Variants in ARMH3 observed in about 807,000 individuals in gnomAD.
The protein encoded by ARMH3 is armadillo-like helical domain-containing protein 3.
A neutral mutation model predicts 99.1 loss-of-function variants in ARMH3; 60 were observed. The observed-to-expected ratio is 0.61, with a 90% CI of 0.49 to 0.75. The LOEUF is 0.75. ARMH3 is among the 30% of genes least tolerant of loss of function. The pLI, the probability that ARMH3 is intolerant of heterozygous loss-of-function variation, is 0.00. For synonymous variants in ARMH3, 285 were observed against 292.8 expected, an observed-to-expected ratio of 0.97 and a Z score of 0.27; for missense variants, 679 against 843.1, an observed-to-expected ratio of 0.81 and a Z score of 2.41.
At chr10:101,916,403 C>A (rs1027835458) in intron 23 of ARMH3, among the ~76,000 whole-genome samples, 2 of 151,832 alleles carry the variant, frequency 1.3e-5, no homozygotes, top group Admixed American at 6.6e-5. Flanking sequence ...ACAAACAAAA[C>A]AAACCTGGGA....
chr10:101,913,140 C>G (rs926984519), intron 23 of ARMH3: 1 of 150,990 alleles, frequency 6.6e-6, no homozygotes, highest in East Asian at 2.0e-4. Flanking sequence ...ACCAGTACTC[C>G]TAGCTAAGCT....
At chr10:102,001,886 G>C (rs779215502) in intron 15 of ARMH3, 85 bp downstream of exon 15, 54 of 1,243,752 alleles carry the variant, frequency 4.3e-5, no homozygotes, top group African/African-American at 7.5e-5. Flanking sequence ...TCTTGTCAAA[G>C]CTTCAAAATA....
chr10:101,993,768 T>C (rs184511792), intron 16 of ARMH3, among the ~76,000 whole-genome samples, 165 bp from the exon 17 acceptor site: 2 of 152,208 alleles, frequency 1.3e-5, no homozygotes, highest in African/African-American at 2.4e-5. Flanking sequence ...ACTTAAGCCA[T>C]GAGATTTTTC....
At chr10:101,974,568 A>C (rs535212986) in intron 20 of ARMH3, among the ~76,000 whole-genome samples, 1 of 152,132 alleles carries the variant, frequency 6.6e-6, no homozygotes, top group Admixed American at 6.6e-5. Context: ...CATTAATTGT[A>C]CCCTTAGAGA....
intron 5 of ARMH3, among the ~76,000 whole-genome samples, chr10:102,025,659 CTTTTT>C (rs1378146610): frequency 7.9e-5 from 12 of 151,626 alleles, no homozygotes; most frequent in African/African-American, 2.7e-4. Flanking sequence ...CTTTTCTTTT[CTTTTT>C]GAGACAGAGT....
At chr10:102,039,467 T>A (rs575689116) in intron 2 of ARMH3, among the ~76,000 whole-genome samples, 1 of 152,210 alleles carries the variant, frequency 6.6e-6, no homozygotes, top group Non-Finnish European at 1.5e-5. Context: ...TTTTACAATA[T>A]AGGCTTGGAC....
intron 1 of ARMH3, among the ~76,000 whole-genome samples, chr10:102,047,202 C>T (rs539091472): frequency 2.6e-5 from 4 of 152,046 alleles, no homozygotes; most frequent in Non-Finnish European, 4.4e-5. Flanking sequence ...TTTAAACTCT[C>T]CCACTATCTT....
At chr10:101,944,878 C>T (rs193191328) in intron 22 of ARMH3, among the ~76,000 whole-genome samples, 3 of 151,854 alleles carry the variant, frequency 2.0e-5, no homozygotes, top group East Asian at 1.9e-4. Context: ...ATGAAAACAA[C>T]GGACCTCTTA....
chr10:102,037,742 T>C (rs1486310635), intron 2 of ARMH3, among the ~76,000 whole-genome samples: 1 of 151,960 alleles, frequency 6.6e-6, no homozygotes, highest in East Asian at 1.9e-4. Flanking sequence ...TACAGATACA[T>C]ACCACTACAC....
intron 23 of ARMH3, among the ~76,000 whole-genome samples, chr10:101,936,577 T>TAA (rs1011179364): frequency 1.3e-4 from 17 of 134,050 alleles, no homozygotes; most frequent in South Asian, 1.2e-3. Flanking sequence ...ATGCTAAACC[T>TAA]AAAAAAAAAA....
chr10:101,915,359 G>A (rs1843034177), intron 23 of ARMH3, among the ~76,000 whole-genome samples: 1 of 152,166 alleles, frequency 6.6e-6, no homozygotes. Context: ...CCTGGTCTGA[G>A]ACAAAATGAT....
At chr10:101,847,702 A>G (rs926430925) in intron 25 of ARMH3, 82 bp from the exon 26 acceptor site, 53 of 1,246,088 alleles carry the variant, frequency 4.3e-5, no homozygotes, top group Non-Finnish European at 5.1e-5. Flanking sequence ...GGCAGAGGAC[A>G]GTGCCTGCTA....
intron 15 of ARMH3, 65 bp from the exon 16 acceptor site, chr10:101,995,420 G>T: frequency 1.5e-6 from 2 of 1,310,024 alleles, no homozygotes; most frequent in South Asian, 1.2e-5. Context: ...TTTCAATACA[G>T]AACAAGGACG....
At chr10:101,970,652 T>C (rs978510012) in intron 20 of ARMH3, among the ~76,000 whole-genome samples, 3 of 150,492 alleles carry the variant, frequency 2.0e-5, no homozygotes, top group African/African-American at 7.4e-5. Flanking sequence ...TGAAACCCCA[T>C]CTCTAAAAAA....
chr10:102,032,943 C>A, intron 4 of ARMH3, 83 bp downstream of exon 4: 1 of 1,496,150 alleles, frequency 6.7e-7, no homozygotes, highest in Non-Finnish European at 9.1e-7. Flanking sequence ...CTCAGAGCAA[C>A]TCTAGGTTCC....
intron 13 of ARMH3, among the ~76,000 whole-genome samples, chr10:102,007,889 T>C (rs1234365971): frequency 6.6e-6 from 1 of 151,078 alleles, no homozygotes; most frequent in Non-Finnish European, 1.5e-5. Context: ...GGCCTTCCTG[T>C]TCCACAACAA....
chr10:102,029,178 T>C (rs1444655913), intron 5 of ARMH3, among the ~76,000 whole-genome samples: 1 of 152,228 alleles, frequency 6.6e-6, no homozygotes, highest in African/African-American at 2.4e-5. Context: ...CCTGGTCAGA[T>C]TGTACAATCT....
chr10:102,007,927 G>A (rs2066542520), intron 13 of ARMH3, among the ~76,000 whole-genome samples: 1 of 151,930 alleles, frequency 6.6e-6, no homozygotes, highest in South Asian at 2.1e-4. Context: ...TTCATTGGGA[G>A]GCAAAGACAT....
Position 101,990,594 on chromosome 10 carries a change from T to C in ARMH3, c.1363A>G (p.Ile455Val). Residue 455 changes from isoleucine to valine, a missense_variant, in exon 19 of 26, where the codon ATT (isoleucine) becomes GTT (valine). By Grantham distance (29) the Ile-to-Val change is conservative. Coordinates refer to ENST00000370033, the MANE Select transcript of ARMH3 (RefSeq NM_024541.3). The part of the protein sequence containing the change: ...CAVLDLMVEF[I>V]VTHMMKEFPM... The stretch of plus-strand genomic sequence containing the variant: ...AACTCCTTCATCATGTGTGTTACAA[T>C]AAACTCTACCATCAGGTCTGAAAGG... 6.2e-7 allele frequency: 1 copy of C among 1,605,114 alleles called. No individual in the cohort carries two copies. Among genetic ancestry groups the C allele is most frequent in the Non-Finnish European group, 8.5e-7 (1 of 1,171,966 alleles).
Sources: gnomAD v4.1 joint callset for allele counts (sites outside exome capture counted in the v4.1 genomes callset) on GRCh38, gnomAD v4.1.1 for gene constraint, MANE v1.5 for transcripts, NCBI Gene and HGNC (gene_info 2026-07-23, HGNC 2026-07-21) for gene names.